EPHA6: variants seen among roughly 807,000 people sequenced by gnomAD.
EPHA6 encodes ephrin type-A receptor 6.
A neutral mutation model predicts 112.0 loss-of-function variants in EPHA6; 50 were observed. That is an observed-to-expected ratio of 0.45 (90% CI 0.36 to 0.56). EPHA6 has a LOEUF of 0.56. EPHA6 is among the 20% of genes least tolerant of loss of function. EPHA6 has a pLI of 0.00. For synonymous variants in EPHA6, 529 were observed against 490.7 expected, an observed-to-expected ratio of 1.08 and a Z score of -1.03; for missense variants, 1,280 against 1,417.4, an observed-to-expected ratio of 0.90 and a Z score of 1.56.
chr3:96,940,230 GA>G, intron 2 of EPHA6, among the ~76,000 whole-genome samples: 1 of 152,228 alleles, frequency 6.6e-6, no homozygotes. Context: ...TATTGTGTGG[GA>G]GTCTAAGTAT....
chr3:97,622,500 G>T (rs1015159149), intron 13 of EPHA6, among the ~76,000 whole-genome samples: 1 of 151,690 alleles, frequency 6.6e-6, no homozygotes, highest in Non-Finnish European at 1.5e-5. Flanking sequence ...TCATCTCCTG[G>T]TGGATATTTG....
At chr3:97,288,518 A>G (rs2317889) in intron 5 of EPHA6, among the ~76,000 whole-genome samples, 1 of 151,906 alleles carries the variant, frequency 6.6e-6, no homozygotes, top group East Asian at 1.9e-4. Flanking sequence ...CTTATCTTGC[A>G]GTTTTGAATA....
chr3:97,155,613 G>A (rs2076271432), intron 3 of EPHA6, among the ~76,000 whole-genome samples: 1 of 152,128 alleles, frequency 6.6e-6, no homozygotes, highest in South Asian at 2.1e-4. Flanking sequence ...AAACTTAAGT[G>A]TCATCTGTCT....
At chr3:97,697,542 G>A (rs1462513700) in intron 14 of EPHA6, among the ~76,000 whole-genome samples, 1 of 152,176 alleles carries the variant, frequency 6.6e-6, no homozygotes, top group African/African-American at 2.4e-5. Context: ...CTCAAGAAAT[G>A]TTTCAGGGTC....
At chr3:97,243,197 T>C (rs547129602) in intron 4 of EPHA6, among the ~76,000 whole-genome samples, 1 of 151,872 alleles carries the variant, frequency 6.6e-6, no homozygotes, top group African/African-American at 2.4e-5. Flanking sequence ...AGGAGAATAG[T>C]GTGGGTCTCT....
chr3:97,081,982 T>C (rs1281095872), intron 3 of EPHA6, among the ~76,000 whole-genome samples: 1 of 151,614 alleles, frequency 6.6e-6, no homozygotes, highest in Non-Finnish European at 1.5e-5. Context: ...TTGAGAAGCT[T>C]TTTTGCAATT....
rs2035832876 is a variant in EPHA6, at chr3:97,749,153, T to C, written c.*452T>C. On this transcript the variant is annotated 3_prime_UTR_variant, in exon 18 of 18. Transcript: ENST00000389672. ...CAGAAATGTTTCATTTTTAGATAAT[T>C]ATATTCAGCTCTATTGGTTGTATTA... The C allele has an allele frequency of 4.3e-6, 1 of 234,392 alleles. No homozygotes were observed. The allele number at this position is 234,392 out of a possible 1,614,324, so 14.5% of individuals were successfully genotyped here. A position where few individuals can be genotyped will look rare whatever the true frequency, so the allele number is the denominator to read the frequency against.
chr3:97,006,527 A>G (rs1443700477), intron 3 of EPHA6, among the ~76,000 whole-genome samples: 1 of 141,374 alleles, frequency 7.1e-6, no homozygotes, highest in South Asian at 2.2e-4. Flanking sequence ...CTAGCAGTCT[A>G]TTTTTTTTTT....
chr3:96,952,336 G>C (rs2041579246), intron 2 of EPHA6, among the ~76,000 whole-genome samples: 1 of 152,174 alleles, frequency 6.6e-6, no homozygotes, highest in Non-Finnish European at 1.5e-5. Flanking sequence ...ATGGTATTGT[G>C]AGGTGGTAGG....
chr3:97,221,512 C>G (rs1434598173), intron 3 of EPHA6, among the ~76,000 whole-genome samples: 1 of 151,656 alleles, frequency 6.6e-6, no homozygotes, highest in African/African-American at 2.4e-5. Context: ...TTTATACATC[C>G]TATAATATAA....
rs572955809 is a variant in EPHA6 at position 97,082,248 on chromosome 3, G to A, written c.1114+94255G>A. On this transcript the variant is annotated intron_variant, in intron 3 of 17. Coordinates refer to ENST00000389672, the MANE Select transcript of EPHA6 (RefSeq NM_001080448.3). ...TTATTTGCAATTTTCAAAAATGAGCGTGTATTACTTTTAATGTTGGAAAAA... is the reference window on the plus strand; with the variant it reads ...TTATTTGCAATTTTCAAAAATGAGCATGTATTACTTTTAATGTTGGAAAAA... 1.6e-4 allele frequency among the ~76,000 whole-genome samples: 24 copies of A among 151,866 alleles called. No individual in the cohort carries two copies. The East Asian group carries it at 3.5e-3, about 22-fold the overall frequency.
intron 11 of EPHA6, among the ~76,000 whole-genome samples, chr3:97,563,594 C>A (rs1233471553): frequency 6.6e-6 from 1 of 152,030 alleles, no homozygotes; most frequent in Non-Finnish European, 1.5e-5. Flanking sequence ...GTTTTTGTGG[C>A]AAATTAATCT....
intron 5 of EPHA6, among the ~76,000 whole-genome samples, chr3:97,259,593 A>T (rs2079430455): frequency 6.6e-6 from 1 of 152,208 alleles, no homozygotes; most frequent in African/African-American, 2.4e-5. Context: ...GAACAGTATG[A>T]CATATAAAGT....
intron 2 of EPHA6, among the ~76,000 whole-genome samples, chr3:96,972,560 G>A (rs2042358686): frequency 6.6e-6 from 1 of 151,932 alleles, no homozygotes; most frequent in South Asian, 2.1e-4. Context: ...CCTACTGTCA[G>A]CATATTTAAG....
chr3:97,053,414 A>C lies in EPHA6; in HGVS notation c.1114+65421A>C, dbSNP rs533344562. On this transcript the variant is annotated intron_variant, in intron 3 of 17. Transcript: ENST00000389672. The stretch of plus-strand genomic sequence containing the variant: ...ACCAATAGATGACCCAGAATTGGAA[A>C]GAATTAAAGGAAAGTATAGGAATTC... Among the ~76,000 whole-genome samples, 3 of 152,250 alleles carry C rather than the reference A, an allele frequency of 2.0e-5. No individual in the cohort carries two copies. The East Asian group carries it at 5.8e-4, about 29-fold the overall frequency.
chr3:97,219,917 C>T (rs1407624522), intron 3 of EPHA6, among the ~76,000 whole-genome samples: 3 of 152,182 alleles, frequency 2.0e-5, no homozygotes, highest in African/African-American at 4.8e-5. Context: ...ATGTATAAAA[C>T]TGAATGCTTT....
At position 97,754,998 on chromosome 3, in the gene EPHA6, C is replaced by T. The variant is rs900427843; in HGVS notation, c.*6297C>T. On this transcript the variant is annotated 3_prime_UTR_variant, in exon 18 of 18. Coordinates refer to ENST00000389672, the MANE Select transcript of EPHA6 (RefSeq NM_001080448.3). The stretch of plus-strand genomic sequence containing the variant: ...GATTACAGGCGTGAGCCACCGCGCC[C>T]GGCCACAAAGTTTTCTTTTAAACAA... Among the ~76,000 whole-genome samples, 1 of 152,194 alleles carries T rather than the reference C, an allele frequency of 6.6e-6. No individual in the cohort carries two copies. The highest frequency in any genetic ancestry group is 6.5e-5 in the Admixed American group (1 of 15,274).
chr3:97,677,538 T>C (rs1047104120), intron 14 of EPHA6, among the ~76,000 whole-genome samples: 1 of 151,684 alleles, frequency 6.6e-6, no homozygotes, highest in Non-Finnish European at 1.5e-5. Context: ...CTAGCCAACA[T>C]GGCGAAACCT....
intron 3 of EPHA6, among the ~76,000 whole-genome samples, chr3:97,150,748 G>T (rs1295568815): frequency 6.6e-6 from 1 of 151,938 alleles, no homozygotes; most frequent in Non-Finnish European, 1.5e-5. Context: ...AGTTCTTGGT[G>T]CTCACCTCCC....
Sources: gnomAD v4.1 joint callset for allele counts (sites outside exome capture counted in the v4.1 genomes callset) on GRCh38, gnomAD v4.1.1 for gene constraint, MANE v1.5 for transcripts, NCBI Gene and HGNC (gene_info 2026-07-23, HGNC 2026-07-21) for gene names.